Variants in NRG1 observed in about 807,000 individuals in gnomAD.
NRG1 encodes the protein neuregulin 1.
NRG1 carries 18 observed loss-of-function variants against 63.8 expected under a neutral mutation model. The observed-to-expected ratio is 0.28, with a 90% CI of 0.19 to 0.42. The LOEUF (loss-of-function observed/expected upper bound fraction) is 0.42. Among genes scored for constraint, NRG1 ranks in the 10% least tolerant of loss-of-function variants. The pLI is 1.00. For missense variants in NRG1, 762 were observed against 814.7 expected (o/e 0.94, Z 0.79); for synonymous variants, 302 against 301.3 (o/e 1.00, Z -0.02).
chr8:31,747,851 C>G (rs1439843824), intron 1 of NRG1, among the ~76,000 whole-genome samples: 2 of 151,920 alleles, frequency 1.3e-5, no homozygotes, highest in Non-Finnish European at 1.5e-5. Flanking sequence ...TGAAATATAT[C>G]CCAGGCTTCT....
At chr8:31,833,397 T>C (rs1369882017) in intron 1 of NRG1, among the ~76,000 whole-genome samples, 1 of 152,182 alleles carries the variant, frequency 6.6e-6, no homozygotes, top group South Asian at 2.1e-4. Flanking sequence ...CATGTCTGAA[T>C]CCTCTGGACC....
At chr8:32,723,783 G>A (rs1449508110) in intron 5 of NRG1, among the ~76,000 whole-genome samples, 1 of 147,058 alleles carries the variant, frequency 6.8e-6, no homozygotes, top group Non-Finnish European at 1.5e-5. Flanking sequence ...AGGAAGGAAG[G>A]AAAGAAAGAA....
chr8:31,979,460 C>T (rs1808724890), intron 1 of NRG1, among the ~76,000 whole-genome samples: 1 of 152,120 alleles, frequency 6.6e-6, no homozygotes, highest in Admixed American at 6.6e-5. Context: ...AATTCTTCAA[C>T]TCCCAACTCC....
chr8:32,209,119 GATA>G (rs1025784896), intron 1 of NRG1, among the ~76,000 whole-genome samples: 2 of 152,076 alleles, frequency 1.3e-5, no homozygotes, highest in Non-Finnish European at 2.9e-5. Flanking sequence ...GAAATATAAG[GATA>G]ATAATGGTAT....
intron 1 of NRG1, among the ~76,000 whole-genome samples, chr8:32,464,757 T>C (rs1822846236): frequency 1.3e-5 from 2 of 152,110 alleles, no homozygotes; most frequent in South Asian, 4.1e-4. Context: ...GCTATAAAAT[T>C]CTAGAAACTT....
At chr8:31,693,744 G>A (rs1000925930) in intron 1 of NRG1, among the ~76,000 whole-genome samples, 4 of 152,166 alleles carry the variant, frequency 2.6e-5, no homozygotes, top group African/African-American at 9.7e-5. Context: ...AGGTATTTAT[G>A]ACATAATCAA....
intron 1 of NRG1, among the ~76,000 whole-genome samples, chr8:32,058,544 T>C (rs1216470469): frequency 2.6e-5 from 4 of 152,090 alleles, no homozygotes; most frequent in African/African-American, 9.7e-5. Context: ...GCATTCTCAC[T>C]CCCTAGTGAA....
intron 1 of NRG1, among the ~76,000 whole-genome samples, chr8:31,981,907 G>T (rs1455771911): frequency 6.6e-6 from 1 of 151,992 alleles, no homozygotes; most frequent in Non-Finnish European, 1.5e-5. Context: ...GCTGGGCAAA[G>T]GGATTGATAT....
At chr8:31,661,670 A>G (rs985272661) in intron 1 of NRG1, among the ~76,000 whole-genome samples, 2 of 152,230 alleles carry the variant, frequency 1.3e-5, no homozygotes, top group Non-Finnish European at 2.9e-5. Flanking sequence ...ATGACTTTAC[A>G]CAAAGTTATT....
At chr8:31,912,678 G>T (rs1246287573) in intron 1 of NRG1, among the ~76,000 whole-genome samples, 4 of 147,262 alleles carry the variant, frequency 2.7e-5, no homozygotes, top group African/African-American at 1.0e-4. Flanking sequence ...AAAAGAAAAA[G>T]ATTCCAAATA....
chr8:31,699,864 A>C (rs551269401), intron 1 of NRG1, among the ~76,000 whole-genome samples: 1 of 152,274 alleles, frequency 6.6e-6, no homozygotes, highest in South Asian at 2.1e-4. Context: ...CCCAAATAAA[A>C]ACTGTGGCTG....
chr8:31,644,046 T>G (rs1275710229), intron 1 of NRG1, among the ~76,000 whole-genome samples: 1 of 152,246 alleles, frequency 6.6e-6, no homozygotes, highest in African/African-American at 2.4e-5. Context: ...TTTTAATATC[T>G]TCAGTCACTA....
chr8:31,766,691 A>G (rs1818098797), intron 1 of NRG1, among the ~76,000 whole-genome samples: 1 of 152,184 alleles, frequency 6.6e-6, no homozygotes, highest in East Asian at 1.9e-4. Context: ...CACGAACACT[A>G]TACTTCTATG....
intron 1 of NRG1, among the ~76,000 whole-genome samples, chr8:32,283,519 T>C (rs913711338): frequency 3.9e-5 from 6 of 152,156 alleles, no homozygotes; most frequent in African/African-American, 1.4e-4. Flanking sequence ...AACCCAACTA[T>C]ATAGTAAAAT....
At chr8:32,622,206 A>G (rs866760052) in intron 5 of NRG1, among the ~76,000 whole-genome samples, 1 of 152,142 alleles carries the variant, frequency 6.6e-6, no homozygotes, top group Non-Finnish European at 1.5e-5. Context: ...TGATCATTTG[A>G]GCCCAGGAGA....
At chr8:32,085,633 C>G (rs1326175709) in intron 1 of NRG1, among the ~76,000 whole-genome samples, 1 of 152,124 alleles carries the variant, frequency 6.6e-6, no homozygotes, top group African/African-American at 2.4e-5. Context: ...GACAATTTTT[C>G]TTTCATTATT....
intron 1 of NRG1, among the ~76,000 whole-genome samples, chr8:31,930,792 G>A (rs1834793290): frequency 6.6e-6 from 1 of 152,106 alleles, no homozygotes; most frequent in African/African-American, 2.4e-5. Flanking sequence ...AGGGCAACTT[G>A]CTGGCTAATT....
At chr8:32,568,051 T>TA (rs1330650864) in intron 1 of NRG1, among the ~76,000 whole-genome samples, 2 of 152,210 alleles carry the variant, frequency 1.3e-5, no homozygotes, top group Admixed American at 6.5e-5. Context: ...AAAGTAGTGT[T>TA]AAAATCAACT....
chr8:31,702,309 A>G (rs1186419036), intron 1 of NRG1, among the ~76,000 whole-genome samples: 2 of 152,184 alleles, frequency 1.3e-5, no homozygotes, highest in Non-Finnish European at 2.9e-5. Flanking sequence ...ATGCCACTTC[A>G]TGGAATCACG....
Sources: gnomAD v4.1 joint callset for allele counts (sites outside exome capture counted in the v4.1 genomes callset) on GRCh38, gnomAD v4.1.1 for gene constraint, MANE v1.5 for transcripts, NCBI Gene and HGNC (gene_info 2026-07-23, HGNC 2026-07-21) for gene names.